AGFG1: variants seen among roughly 807,000 people sequenced by gnomAD.
The protein encoded by AGFG1 is arf-GAP domain and FG repeat-containing protein 1.
AGFG1 carries 10 observed loss-of-function variants against 60.6 expected under a neutral mutation model. The ratio of observed to expected loss-of-function variants is 0.16; its 90% CI spans 0.10 to 0.28. AGFG1 has a LOEUF of 0.28. AGFG1 is among the 10% of genes least tolerant of loss of function. The pLI, the probability that AGFG1 is intolerant of heterozygous loss-of-function variation, is 1.00. For synonymous variants in AGFG1, 247 were observed against 242.9 expected (o/e 1.02, Z -0.16); for missense variants, 537 against 676.5 (o/e 0.79, Z 2.29).
chr2:227,499,479 A>C (rs1439842974), intron 2 of AGFG1, among the ~76,000 whole-genome samples: 1 of 150,050 alleles, frequency 6.7e-6, no homozygotes, highest in Non-Finnish European at 1.5e-5. Context: ...ATCTCTACTA[A>C]AAATACAAAA....
chr2:227,509,529 C>T (rs569561328), intron 2 of AGFG1, among the ~76,000 whole-genome samples: 5 of 151,832 alleles, frequency 3.3e-5, no homozygotes, highest in Non-Finnish European at 5.9e-5. Context: ...TGTAAAAGAA[C>T]GTACTTATTT....
intron 2 of AGFG1, among the ~76,000 whole-genome samples, chr2:227,496,458 T>C (rs868076039): frequency 8.9e-6 from 1 of 112,004 alleles, no homozygotes; most frequent in Non-Finnish European, 1.9e-5. Context: ...AAAAAATAAA[T>C]AAAATAGCCT....
rs1319494907 is a variant in AGFG1, at chr2:227,525,020, A to G, written c.694+105A>G. 3 of 1,368,786 alleles carry G rather than the reference A, an allele frequency of 2.2e-6. No individual in the cohort carries two copies. In the Admixed American group the frequency reaches 5.7e-5, roughly 26 times the overall value. 84.8% of individuals were successfully genotyped at this position (1,368,786 alleles called of 1,614,324 possible). Reference sequence around the variant, plus strand: ...GGATCAGTAAACATTTTTTGTTGAAAATGTTTTGTCACTTGTAACTGTTGA... The same window carrying G: ...GGATCAGTAAACATTTTTTGTTGAAGATGTTTTGTCACTTGTAACTGTTGA... On this transcript the variant is annotated intron_variant, in intron 5 of 12. Transcript: ENST00000310078.
At chr2:227,509,253 G>T (rs189352283) in intron 2 of AGFG1, among the ~76,000 whole-genome samples, 24 of 152,132 alleles carry the variant, frequency 1.6e-4, no homozygotes, top group African/African-American at 5.3e-4. Flanking sequence ...CCCAAAATAC[G>T]TAACTTTAAT....
chr2:227,497,898 C>G (rs1691032733), intron 2 of AGFG1, among the ~76,000 whole-genome samples: 1 of 151,732 alleles, frequency 6.6e-6, no homozygotes, highest in African/African-American at 2.4e-5. Context: ...GCATGTACCA[C>G]CATGCCTGGC....
At chr2:227,488,962 C>T (rs186950011) in intron 1 of AGFG1, among the ~76,000 whole-genome samples, 57 of 151,974 alleles carry the variant, frequency 3.8e-4, no homozygotes, top group African/African-American at 1.3e-3. Context: ...TACAGGCGTG[C>T]GACACCATGC....
chr2:227,550,554 C>G (rs140820707), intron 10 of AGFG1, among the ~76,000 whole-genome samples: 65 of 152,278 alleles, frequency 4.3e-4, no homozygotes, highest in African/African-American at 1.5e-3. Flanking sequence ...TGAAGCCCTC[C>G]TGTTACCCTT....
chr2:227,542,641 C>T (rs958925462), intron 10 of AGFG1, among the ~76,000 whole-genome samples: 1 of 152,134 alleles, frequency 6.6e-6, no homozygotes, highest in African/African-American at 2.4e-5. Context: ...GTGCCTTTGC[C>T]AGGCTTTGGT....
chr2:227,540,568 A>G (rs915400353), intron 10 of AGFG1, among the ~76,000 whole-genome samples: 1 of 152,152 alleles, frequency 6.6e-6, no homozygotes, highest in South Asian at 2.1e-4. Context: ...GTGTATATGT[A>G]CCACATTTTC....
chr2:227,507,868 A>C (rs373177645), intron 2 of AGFG1, among the ~76,000 whole-genome samples: 3 of 152,004 alleles, frequency 2.0e-5, no homozygotes, highest in Non-Finnish European at 4.4e-5. Context: ...TATTTATTTG[A>C]TATGTTTCAC....
chr2:227,506,918 G>A (rs1162500841), intron 2 of AGFG1, among the ~76,000 whole-genome samples: 1 of 152,152 alleles, frequency 6.6e-6, no homozygotes, highest in Non-Finnish European at 1.5e-5. Context: ...GTGGTTGGCT[G>A]TAGTAGTTTC....
rs1283835496 is a variant in AGFG1 at position 227,519,403 on chromosome 2, CTT to C, written c.262-542_262-541del. On this transcript the variant is annotated intron_variant, in intron 2 of 12. Coordinates refer to ENST00000310078, the MANE Select transcript of AGFG1 (RefSeq NM_004504.5). ...TTTTGTGCTATTTTATTTCATTTCT[CTT>C]TTGGTTTTTCTGAAAGTTAAATATC... 3.3e-5 allele frequency among the ~76,000 whole-genome samples: 5 copies of C among 152,004 alleles called. No individual in the cohort carries two copies. In the South Asian group the frequency reaches 8.3e-4, roughly 25 times the overall value.
At chr2:227,477,327 A>G (rs1690315172) in intron 1 of AGFG1, among the ~76,000 whole-genome samples, 2 of 152,244 alleles carry the variant, frequency 1.3e-5, no homozygotes, top group Admixed American at 1.3e-4. Context: ...AGAAAAAACT[A>G]TTGAGTGCTA....
At position 227,520,039 on chromosome 2, in the gene AGFG1, A is replaced by C. The variant is rs756630641; in HGVS notation, c.353A>C (p.Gln118Pro). 1 of 1,579,684 alleles carries C rather than the reference A, an allele frequency of 6.3e-7. No individual in the cohort carries two copies. Among genetic ancestry groups the C allele is most frequent in the South Asian group, 1.2e-5 (1 of 85,022 alleles). Residue 118 changes from glutamine to proline, a missense_variant, in exon 3 of 13, where the codon CAA (glutamine) becomes CCA (proline). By Grantham distance (76) the Gln-to-Pro change is moderately conservative. This residue lies in a region of AGFG1 where 120 missense variants were observed against 198.5 expected (regional missense o/e 0.60). Transcript: ENST00000310078. ...CCACAAAAAGTGAAAGAGTTTCTAC[A>C]AGAAAAGTATGAAAAGAAAAGATGG... ...RDPQKVKEFL[Q>P]EKYEKKRWYV...
chr2:227,547,552 G>A (rs75200285), intron 10 of AGFG1, among the ~76,000 whole-genome samples: 8,236 of 152,138 alleles, frequency 0.054, 295 homozygotes, highest in African/African-American at 0.09. Flanking sequence ...CATCTGATAA[G>A]GGACTTGTAT....
intron 1 of AGFG1, among the ~76,000 whole-genome samples, chr2:227,478,409 C>T (rs2106152684): frequency 6.6e-6 from 1 of 152,118 alleles, no homozygotes; most frequent in East Asian, 1.9e-4. Flanking sequence ...GTGGCATTAT[C>T]ATGGTTCACT....
At position 227,558,158 on chromosome 2, in the gene AGFG1, G is replaced by C. The variant is rs950919657; in HGVS notation, c.*3663G>C. 3 of 152,170 alleles carry C rather than the reference G, an allele frequency of 2.0e-5. No individual in the cohort carries two copies. The highest frequency in any genetic ancestry group is 1.5e-5 in the Non-Finnish European group (1 of 68,032). The allele number at this position is 152,170 out of a possible 1,614,324, so 9.4% of individuals were successfully genotyped here. A position where few individuals can be genotyped will look rare whatever the true frequency, so the allele number is the denominator to read the frequency against. The stretch of plus-strand genomic sequence containing the variant: ...TATTTCATCTCTTACAATCCCTGCA[G>C]TGGACCTATACTTTTAGGATGAAAG... On this transcript the variant is annotated 3_prime_UTR_variant, in exon 13 of 13. Transcript: ENST00000310078.
chr2:227,521,955 G>A (rs1255249332), intron 3 of AGFG1, among the ~76,000 whole-genome samples: 3 of 152,146 alleles, frequency 2.0e-5, no homozygotes, highest in African/African-American at 7.2e-5. Context: ...AGAGGGCCAG[G>A]ACCTGTATGT....
intron 2 of AGFG1, among the ~76,000 whole-genome samples, chr2:227,511,829 T>C (rs1691504783): frequency 6.6e-6 from 1 of 152,036 alleles, no homozygotes; most frequent in South Asian, 2.1e-4. Flanking sequence ...GTAGTGAAAA[T>C]AATGTGAGAG....
Sources: gnomAD v4.1 joint callset for allele counts (sites outside exome capture counted in the v4.1 genomes callset) on GRCh38, gnomAD v4.1.1 for gene constraint, gnomAD v4.1.1 regional missense constraint, MANE v1.5 for transcripts, NCBI Gene and HGNC (gene_info 2026-07-23, HGNC 2026-07-21) for gene names.